CDC42SE2: variants seen among roughly 807,000 people sequenced by gnomAD.
CDC42SE2 encodes CDC42 small effector protein 2.
In CDC42SE2, 3 loss-of-function variants were observed where a neutral mutation model predicts 11.5. The ratio of observed to expected loss-of-function variants is 0.26; its 90% CI spans 0.12 to 0.67. The LOEUF (loss-of-function observed/expected upper bound fraction) is 0.67, where lower values mean the gene tolerates loss of function less well. Among genes scored for constraint, CDC42SE2 ranks in the 30% least tolerant of loss-of-function variants. CDC42SE2 has a pLI of 0.80. For missense variants in CDC42SE2, 82 were observed against 106.8 expected (o/e 0.77, Z 1.02); for synonymous variants, 33 against 34.8 (o/e 0.95, Z 0.18).
chr5:131,247,305 A>T (rs2149682222), intron 1 of CDC42SE2, among the ~76,000 whole-genome samples: 1 of 152,350 alleles, frequency 6.6e-6, no homozygotes, highest in African/African-American at 2.4e-5. Context: ...TTAAAATAGA[A>T]ATGCTGTATG....
intron 3 of CDC42SE2, among the ~76,000 whole-genome samples, chr5:131,384,291 C>T (rs560799916): frequency 1.3e-5 from 2 of 152,274 alleles, no homozygotes; most frequent in East Asian, 3.9e-4. Context: ...ATGGGCTCGC[C>T]ACTTTTGTGG....
chr5:131,367,071 A>G, intron 3 of CDC42SE2, among the ~76,000 whole-genome samples: 1 of 151,304 alleles, frequency 6.6e-6, no homozygotes, highest in East Asian at 1.9e-4. Flanking sequence ...ATATGCTTAT[A>G]TATATAACAG....
chr5:131,332,480 C>T (rs1488007962), intron 2 of CDC42SE2, among the ~76,000 whole-genome samples: 1 of 151,774 alleles, frequency 6.6e-6, no homozygotes, highest in Non-Finnish European at 1.5e-5. Flanking sequence ...TGGGTATATA[C>T]CCAGTAATGG....
intron 1 of CDC42SE2, among the ~76,000 whole-genome samples, chr5:131,309,125 T>C (rs1326434441): frequency 6.6e-6 from 1 of 152,218 alleles, no homozygotes. Context: ...ATCCCATCAA[T>C]ACCTAATTTA....
chr5:131,384,758 T>TC (rs1245153469), intron 3 of CDC42SE2, among the ~76,000 whole-genome samples: 1 of 151,864 alleles, frequency 6.6e-6, no homozygotes, highest in Non-Finnish European at 1.5e-5. Context: ...AAAATGGGGC[T>TC]CAGCACCCCA....
chr5:131,363,496 C>T (rs1033039665), intron 3 of CDC42SE2, among the ~76,000 whole-genome samples: 3 of 151,518 alleles, frequency 2.0e-5, no homozygotes, highest in East Asian at 1.9e-4. Flanking sequence ...CCTGCCTCAG[C>T]GTCCTGAGTA....
chr5:131,210,812 CA>C, the CDC42SE2 span, among the ~76,000 whole-genome samples: 1 of 152,156 alleles, frequency 6.6e-6, no homozygotes, highest in Non-Finnish European at 1.5e-5. Context: ...CATCCATTTT[CA>C]AATACTACCT....
the CDC42SE2 span, among the ~76,000 whole-genome samples, chr5:131,238,400 G>A: frequency 5.2e-3 from 797 of 151,860 alleles, 6 homozygotes; most frequent in African/African-American, 0.017. Context: ...CTACTCAGGA[G>A]GCTGAGGCAG....
chr5:131,272,172 G>A (rs900824209), intron 1 of CDC42SE2, among the ~76,000 whole-genome samples: 1 of 151,754 alleles, frequency 6.6e-6, no homozygotes, highest in Non-Finnish European at 1.5e-5. Flanking sequence ...CACCATGCCC[G>A]GCTGATTTTT....
rs973900439 is a variant in CDC42SE2 at position 131,390,874 on chromosome 5, T to TAA, written c.157-116_157-115dup. 4.3e-5 allele frequency: 24 copies of TAA among 556,530 alleles called. No individual in the cohort carries two copies. The Admixed American group carries it at 6.8e-4, about 16-fold the overall frequency. The allele number at this position is 556,530 out of a possible 1,614,324, so 34.5% of individuals were successfully genotyped here. On this transcript the variant is annotated intron_variant, in intron 4 of 4. Transcript: ENST00000505065. ...TTGTCTATAAAAAAATTTTTGTCTA[T>TAA]AAAAGTACCCTTCTGAAAAAAGCAG...
chr5:131,349,024 A>G (rs1008509433), intron 2 of CDC42SE2, among the ~76,000 whole-genome samples: 1 of 152,206 alleles, frequency 6.6e-6, no homozygotes, highest in African/African-American at 2.4e-5. Context: ...TTAGACCTAA[A>G]ACCATAAAAA....
In CDC42SE2 at chr5:131,392,858, C is replaced by T. The variant is rs1327938810; in HGVS notation, c.*1767C>T. 6.6e-6 allele frequency: 1 copy of T among 150,882 alleles called. No individual in the cohort carries two copies. Among genetic ancestry groups the T allele is most frequent in the African/African-American group, 2.5e-5 (1 of 40,064 alleles). The allele number at this position is 150,882 out of a possible 1,614,324, so 9.3% of individuals were successfully genotyped here. A position where few individuals can be genotyped will look rare whatever the true frequency, so the allele number is the denominator to read the frequency against. On this transcript the variant is annotated 3_prime_UTR_variant, in exon 5 of 5. Transcript: ENST00000505065. The stretch of plus-strand genomic sequence containing the variant: ...ACTGCAGACCTCCAGAGTCACTGGC[C>T]TTTCTGTGCTCTACATATTATTTTA...
At chr5:131,242,196 C>T (rs1033067981), upstream of CDC42SE2, among the ~76,000 whole-genome samples, 10 of 152,240 alleles carry the variant, frequency 6.6e-5, no homozygotes, top group African/African-American at 1.7e-4. Context: ...ATCTAAAGGA[C>T]GGGTAGTAGT....
intron 1 of CDC42SE2, among the ~76,000 whole-genome samples, chr5:131,270,155 A>ATGAG (rs1167913786): frequency 1.3e-5 from 2 of 151,908 alleles, no homozygotes; most frequent in East Asian, 3.9e-4. Flanking sequence ...CGGGCAGATC[A>ATGAG]TGAGGTCAGG....
the CDC42SE2 span, among the ~76,000 whole-genome samples, chr5:131,228,491 G>A: frequency 6.6e-6 from 1 of 152,206 alleles, no homozygotes; most frequent in African/African-American, 2.4e-5. Flanking sequence ...TGACTTCTGT[G>A]AGATTTATAT....
chr5:131,290,234 A>T (rs1383839574), intron 1 of CDC42SE2, among the ~76,000 whole-genome samples: 1 of 152,158 alleles, frequency 6.6e-6, no homozygotes, highest in African/African-American at 2.4e-5. Context: ...CAATTTTAGA[A>T]GAGCACAAAA....
intron 3 of CDC42SE2, among the ~76,000 whole-genome samples, chr5:131,373,597 C>T (rs566219573): frequency 5.3e-5 from 8 of 152,238 alleles, no homozygotes; most frequent in Middle Eastern, 3.4e-3. Context: ...GAACATGACC[C>T]GTGCACACTA....
intron 2 of CDC42SE2, among the ~76,000 whole-genome samples, chr5:131,347,433 C>T (rs1248273899): frequency 1.3e-5 from 2 of 152,170 alleles, no homozygotes; most frequent in African/African-American, 2.4e-5. Context: ...CATACACTCT[C>T]CCAAGACTAA....
chr5:131,278,715 CCCT>C, intron 1 of CDC42SE2, among the ~76,000 whole-genome samples: 2 of 52,850 alleles, frequency 3.8e-5, no homozygotes, highest in East Asian at 6.2e-4. Flanking sequence ...CTTTCCTCTC[CCCT>C]CCCCTCCCCC....
Sources: gnomAD v4.1 joint callset for allele counts (sites outside exome capture counted in the v4.1 genomes callset) on GRCh38, gnomAD v4.1.1 for gene constraint, MANE v1.5 for transcripts, NCBI Gene and HGNC (gene_info 2026-07-23, HGNC 2026-07-21) for gene names.